Variants in LIN28B observed in about 807,000 individuals in gnomAD.
LIN28B encodes the protein protein lin-28 homolog B.
In LIN28B, 5 loss-of-function variants were observed where a neutral mutation model predicts 21.9. The ratio of observed to expected loss-of-function variants is 0.23; its 90% CI spans 0.12 to 0.48. LIN28B has a LOEUF of 0.48. Among genes scored for constraint, LIN28B ranks in the 20% least tolerant of loss-of-function variants. LIN28B has a pLI of 0.98. For missense variants in LIN28B, 245 were observed against 310.5 expected (o/e 0.79, Z 1.58); for synonymous variants, 109 against 111.3 (o/e 0.98, Z 0.13).
intron 2 of LIN28B, among the ~76,000 whole-genome samples, chr6:104,970,946 G>A (rs1769965519): frequency 6.6e-6 from 1 of 152,046 alleles, no homozygotes; most frequent in African/African-American, 2.4e-5. Flanking sequence ...ATAAGTGTTT[G>A]ATGCTTATTC....
chr6:105,019,068 C>T (rs2114323427), intron 2 of LIN28B, among the ~76,000 whole-genome samples: 1 of 152,126 alleles, frequency 6.6e-6, no homozygotes, highest in African/African-American at 2.4e-5. Context: ...GCCTCAGCTT[C>T]CCTAGTAGCT....
At chr6:104,967,565 A>C (rs1036008760) in intron 2 of LIN28B, among the ~76,000 whole-genome samples, 1 of 124,980 alleles carries the variant, frequency 8.0e-6, no homozygotes, top group African/African-American at 3.2e-5. Context: ...GACAAGAGTG[A>C]AACTCCCTCT....
At chr6:105,068,227 GCTAA>G (rs1233693808) in intron 3 of LIN28B, among the ~76,000 whole-genome samples, 1 of 152,106 alleles carries the variant, frequency 6.6e-6, no homozygotes, top group Admixed American at 6.5e-5. Flanking sequence ...TAACCATCCA[GCTAA>G]CTATTCACAT....
intron 2 of LIN28B, among the ~76,000 whole-genome samples, chr6:104,965,434 C>T (rs1769834920): frequency 6.6e-6 from 1 of 152,170 alleles, no homozygotes; most frequent in Non-Finnish European, 1.5e-5. Context: ...GTAAAAGGAT[C>T]ACTTCTTGAG....
chr6:105,002,491 C>T (rs569414251), intron 2 of LIN28B, among the ~76,000 whole-genome samples: 2 of 152,056 alleles, frequency 1.3e-5, no homozygotes, highest in Admixed American at 6.6e-5. Flanking sequence ...TGCCCATCTA[C>T]GGCTGTTTAA....
At chr6:104,939,864 T>G (rs1250120023) in intron 2 of LIN28B, among the ~76,000 whole-genome samples, 1 of 152,196 alleles carries the variant, frequency 6.6e-6, no homozygotes, top group Non-Finnish European at 1.5e-5. Context: ...ACTGTTTAGT[T>G]CTGAAAGTCT....
At chr6:105,057,625 C>G (rs1012403306) in intron 3 of LIN28B, among the ~76,000 whole-genome samples, 1 of 152,022 alleles carries the variant, frequency 6.6e-6, no homozygotes, top group African/African-American at 2.4e-5. Context: ...GGCTTAAAGC[C>G]AATTTATTTA....
chr6:105,045,256 A>T (rs1771728801), intron 3 of LIN28B, among the ~76,000 whole-genome samples: 1 of 150,988 alleles, frequency 6.6e-6, no homozygotes, highest in African/African-American at 2.4e-5. Flanking sequence ...TTTAATATGG[A>T]ATACTTCATA....
At chr6:104,966,911 G>A (rs554563503) in intron 2 of LIN28B, among the ~76,000 whole-genome samples, 20 of 151,910 alleles carry the variant, frequency 1.3e-4, no homozygotes, top group Non-Finnish European at 2.6e-4. Flanking sequence ...GTGAGCCACC[G>A]CGCCCAACCT....
chr6:105,049,978 A>G (rs1771862466), intron 3 of LIN28B, among the ~76,000 whole-genome samples: 1 of 152,130 alleles, frequency 6.6e-6, no homozygotes. Flanking sequence ...GTGTCTTTTA[A>G]TTGGAGCATT....
chr6:105,013,445 A>G (rs1341924117), intron 2 of LIN28B, among the ~76,000 whole-genome samples: 2 of 151,862 alleles, frequency 1.3e-5, no homozygotes, highest in Admixed American at 6.6e-5. Flanking sequence ...TTAAAAATCA[A>G]GTTACGTTCT....
chr6:104,950,368 G>A (rs1778207122), intron 2 of LIN28B: 2 of 641,068 alleles, frequency 3.1e-6, no homozygotes, highest in East Asian at 6.9e-5. Context: ...TCAAAACCTG[G>A]GCATTTTATT....
At chr6:105,021,778 A>T (rs1295919859) in intron 2 of LIN28B, among the ~76,000 whole-genome samples, 2 of 151,818 alleles carry the variant, frequency 1.3e-5, no homozygotes, top group Non-Finnish European at 2.9e-5. Context: ...GTGTCTGTTC[A>T]CTCTGTTGAT....
intron 3 of LIN28B, among the ~76,000 whole-genome samples, chr6:105,047,607 G>GC: frequency 6.6e-6 from 1 of 152,240 alleles, no homozygotes; most frequent in South Asian, 2.1e-4. Flanking sequence ...ATTACCTTGG[G>GC]CAGTATGGCC....
At position 105,039,316 on chromosome 6, in the gene LIN28B, G is replaced by T. The variant is rs146559416; in HGVS notation, c.383+12834G>T. ...AAAAATGTTACTTAGAGCATTGTTT[G>T]TAGTAACAAAAAACTAGAAACCTAA... On this transcript the variant is annotated intron_variant, in intron 3 of 3. Transcript: ENST00000345080. Among the ~76,000 whole-genome samples the T allele has an allele frequency of 2.6e-4, 40 of 152,150 alleles. No individual in the cohort carries two copies. In the East Asian group the frequency reaches 7.5e-3, roughly 29 times the overall value.
chr6:104,967,824 G>C (rs1389453335), intron 2 of LIN28B, among the ~76,000 whole-genome samples: 1 of 151,880 alleles, frequency 6.6e-6, no homozygotes, highest in African/African-American at 2.4e-5. Context: ...GACTACAGGC[G>C]TGCACCACCA....
intron 2 of LIN28B, among the ~76,000 whole-genome samples, chr6:105,004,168 C>T (rs1192392562): frequency 6.6e-6 from 1 of 152,166 alleles, no homozygotes; most frequent in Non-Finnish European, 1.5e-5. Context: ...ACTAGCCTCA[C>T]TGGCAGCTGA....
chr6:104,955,669 G>A (rs1778275821), upstream of LIN28B, among the ~76,000 whole-genome samples: 2 of 151,732 alleles, frequency 1.3e-5, no homozygotes, highest in African/African-American at 4.8e-5. Flanking sequence ...AGACTGGGAG[G>A]GGGATTGCTG....
At chr6:104,939,567 A>C (rs1047394798) in intron 2 of LIN28B, 1 of 152,202 alleles carries the variant, frequency 6.6e-6, no homozygotes. Context: ...CTTAATCCCA[A>C]TCCAGAAATT....
Sources: allele counts gnomAD v4.1 joint callset (sites outside exome capture counted in the v4.1 genomes callset), GRCh38; gene constraint gnomAD v4.1.1; transcripts MANE v1.5; gene names NCBI Gene and HGNC (gene_info 2026-07-23, HGNC 2026-07-21).